GNA14: variants seen among roughly 807,000 people sequenced by gnomAD.
GNA14 encodes guanine nucleotide-binding protein subunit alpha-14.
In GNA14, 50 loss-of-function variants were observed where a neutral mutation model predicts 42.0. That is an observed-to-expected ratio of 1.19 (90% CI 0.95 to 1.51). The LOEUF (loss-of-function observed/expected upper bound fraction) is 1.51, where lower values mean the gene tolerates loss of function less well. Among genes scored for constraint, GNA14 ranks in the 40% most tolerant of loss-of-function variants. The probability of loss-of-function intolerance (pLI) is 0.00; values close to 1 mark genes in which losing one functional copy is unlikely to be tolerated. For missense variants in GNA14, 473 were observed against 446.2 expected (o/e 1.06, Z -0.54); for synonymous variants, 173 against 163.1 (o/e 1.06, Z -0.46).
At chr9:77,516,276 C>T (rs548061510) in intron 2 of GNA14, among the ~76,000 whole-genome samples, 11 of 152,298 alleles carry the variant, frequency 7.2e-5, no homozygotes, top group African/African-American at 2.6e-4. Context: ...TATCAAATGT[C>T]TACTATTGCT....
chr9:77,442,846 T>C (rs1835755451), intron 2 of GNA14, among the ~76,000 whole-genome samples: 1 of 152,114 alleles, frequency 6.6e-6, no homozygotes, highest in Non-Finnish European at 1.5e-5. Flanking sequence ...CAAAGACAGA[T>C]GACAAATAAA....
At chr9:77,511,414 A>G (rs911301833) in intron 2 of GNA14, among the ~76,000 whole-genome samples, 2 of 152,196 alleles carry the variant, frequency 1.3e-5, no homozygotes, top group Non-Finnish European at 2.9e-5. Flanking sequence ...TCCTGCAATT[A>G]AAGGCTCTAG....
At chr9:77,538,063 C>A (rs1254229061) in intron 1 of GNA14, among the ~76,000 whole-genome samples, 2 of 95,034 alleles carry the variant, frequency 2.1e-5, no homozygotes, top group East Asian at 5.4e-4. Context: ...TGTACAGAAG[C>A]TTCTTTTTTT....
At chr9:77,474,327 T>A (rs981585082) in intron 2 of GNA14, among the ~76,000 whole-genome samples, 4 of 152,136 alleles carry the variant, frequency 2.6e-5, no homozygotes, top group African/African-American at 9.7e-5. Flanking sequence ...GAATGCAATT[T>A]TAAAATGAAA....
At chr9:77,586,944 C>T (rs1277848289) in intron 1 of GNA14, among the ~76,000 whole-genome samples, 1 of 150,960 alleles carries the variant, frequency 6.6e-6, no homozygotes, top group East Asian at 1.9e-4. Flanking sequence ...AACTTGCTTA[C>T]CTATATGTCT....
intron 1 of GNA14, among the ~76,000 whole-genome samples, chr9:77,628,051 A>G (rs900946145): frequency 2.0e-5 from 3 of 152,228 alleles, no homozygotes; most frequent in Non-Finnish European, 2.9e-5. Context: ...AAGTCTCAGG[A>G]TACAAAATCA....
chr9:77,482,740 G>A (rs891535181), intron 2 of GNA14, among the ~76,000 whole-genome samples: 1 of 152,178 alleles, frequency 6.6e-6, no homozygotes, highest in African/African-American at 2.4e-5. Context: ...ATTTCTTGGA[G>A]GCTTTGTTCA....
chr9:77,460,319 G>A (rs1230035654), intron 2 of GNA14, among the ~76,000 whole-genome samples: 4 of 152,288 alleles, frequency 2.6e-5, no homozygotes, highest in African/African-American at 7.2e-5. Flanking sequence ...TGTTGTGTCC[G>A]CAAGCCGAGG....
chr9:77,587,374 C>T (rs1184079564), intron 1 of GNA14, among the ~76,000 whole-genome samples: 1 of 152,140 alleles, frequency 6.6e-6, no homozygotes, highest in Admixed American at 6.5e-5. Flanking sequence ...GCACTATTCA[C>T]AATAGCCAAA....
chr9:77,447,500 T>C (rs1835841142), intron 2 of GNA14, among the ~76,000 whole-genome samples: 1 of 152,228 alleles, frequency 6.6e-6, no homozygotes, highest in Non-Finnish European at 1.5e-5. Flanking sequence ...TTCTTTCCTT[T>C]ATCCAGATCT....
intron 2 of GNA14, among the ~76,000 whole-genome samples, chr9:77,514,260 G>A (rs918523765): frequency 6.6e-6 from 1 of 152,120 alleles, no homozygotes; most frequent in African/African-American, 2.4e-5. Context: ...CATAGTCAAG[G>A]AGGCAAAATT....
At chr9:77,458,210 G>A (rs1040435071) in intron 2 of GNA14, among the ~76,000 whole-genome samples, 1 of 152,136 alleles carries the variant, frequency 6.6e-6, no homozygotes, top group Admixed American at 6.5e-5. Context: ...GAGCAGAGGC[G>A]ACTGTCTTAG....
intron 2 of GNA14, among the ~76,000 whole-genome samples, chr9:77,519,520 C>T (rs1837316951): frequency 6.6e-6 from 1 of 152,282 alleles, no homozygotes; most frequent in South Asian, 2.1e-4. Flanking sequence ...CCCTTCCCTA[C>T]CACCAATTTT....
chr9:77,550,813 T>C (rs568241352), intron 1 of GNA14, among the ~76,000 whole-genome samples: 1 of 152,284 alleles, frequency 6.6e-6, no homozygotes, highest in South Asian at 2.1e-4. Context: ...GGCAACAAAA[T>C]TATTCACAGG....
chr9:77,625,117 T>C (rs2117987136), intron 1 of GNA14, among the ~76,000 whole-genome samples: 1 of 151,692 alleles, frequency 6.6e-6, no homozygotes, highest in Non-Finnish European at 1.5e-5. Flanking sequence ...CATACACAAG[T>C]ATCAATAGCG....
chr9:77,512,651 TAAACACATC>T (rs1837189255), intron 2 of GNA14, among the ~76,000 whole-genome samples: 1 of 152,208 alleles, frequency 6.6e-6, no homozygotes. Flanking sequence ...GGGATATTCA[TAAACACATC>T]AACTTCTTTC....
intron 1 of GNA14, among the ~76,000 whole-genome samples, chr9:77,560,484 G>T (rs1295543755): frequency 6.6e-6 from 1 of 151,736 alleles, no homozygotes. Context: ...TGTTTGTTTG[G>T]TTGGTTTTTT....
Position 77,573,908 on chromosome 9 carries a change from G to T in GNA14, c.125-44655C>A, listed in dbSNP as rs150849713. On this transcript the variant is annotated intron_variant, in intron 1 of 6. Transcript: ENST00000341700. ...GTGGCATATAAGGAGCTTAGAAAAA[G>T]AGTAACCATTGTATTATTCATATGT... 5.9e-4 allele frequency among the ~76,000 whole-genome samples: 90 copies of T among 152,218 alleles called. 1 individual carries two copies. The highest frequency in any genetic ancestry group is 3.4e-3 in the Middle Eastern group (1 of 294).
chr9:77,496,551 T>TG (rs918766479), intron 2 of GNA14, among the ~76,000 whole-genome samples: 1 of 152,146 alleles, frequency 6.6e-6, no homozygotes, highest in African/African-American at 2.4e-5. Flanking sequence ...TCCAGGGCTG[T>TG]GGGTTGCCAG....
Sources: allele counts gnomAD v4.1 joint callset (sites outside exome capture counted in the v4.1 genomes callset), GRCh38; gene constraint gnomAD v4.1.1; transcripts MANE v1.5; gene names NCBI Gene and HGNC (gene_info 2026-07-23, HGNC 2026-07-21).